The following RTL4 variants were observed in gnomAD, a reference collection of about 807,000 sequenced individuals.
The protein encoded by RTL4 is retrotransposon Gag like 4, also known as retrotransposon Gag-like protein 4.
Under a neutral mutation model 5.3 loss-of-function variants are expected in RTL4, and 4 were observed. The ratio of observed to expected loss-of-function variants is 0.75; its 90% CI spans 0.37 to 1.72. The LOEUF is 1.72. Among genes scored for constraint, RTL4 ranks in the 40% most tolerant of loss-of-function variants. The pLI is 0.04. For synonymous variants in RTL4, 98 were observed against 87.3 expected (o/e 1.12, Z -0.68); for missense variants, 260 against 227.1 (o/e 1.14, Z -0.93).
At chrX:112,443,606 C>T in the RTL4 span, among the ~76,000 whole-genome samples, 4 of 111,600 alleles carry the variant, frequency 3.6e-5, no homozygotes, top group Non-Finnish European at 7.5e-5. Flanking sequence ...TGTTATTGCA[C>T]GATTTTTTTA....
At chrX:112,089,407 C>T in the RTL4 span, among the ~76,000 whole-genome samples, 16 of 110,653 alleles carry the variant, frequency 1.4e-4, no homozygotes, top group Admixed American at 1.9e-4. Context: ...TAAACCACTT[C>T]GAGTTAATTT....
the RTL4 span, among the ~76,000 whole-genome samples, chrX:112,139,501 A>G: frequency 8.9e-6 from 1 of 112,279 alleles, no homozygotes; most frequent in Non-Finnish European, 1.9e-5. Flanking sequence ...ATTTCACTTT[A>G]AAGTTTTATC....
the RTL4 span, among the ~76,000 whole-genome samples, chrX:112,089,525 T>G: frequency 9.0e-6 from 1 of 111,426 alleles, no homozygotes; most frequent in Non-Finnish European, 1.9e-5. Context: ...CGAATGATAC[T>G]GGCACCTTGT....
At chrX:112,342,459 G>A in the RTL4 span, among the ~76,000 whole-genome samples, 4,583 of 111,043 alleles carry the variant, frequency 0.041, 247 homozygotes, top group African/African-American at 0.14. Flanking sequence ...CTTAATGTTG[G>A]AAGAGACCTC....
At chrX:112,370,670 ATT>A in the RTL4 span, among the ~76,000 whole-genome samples, 1 of 111,041 alleles carries the variant, frequency 9.0e-6, no homozygotes, top group East Asian at 2.9e-4. Context: ...TCTTCAGCTT[ATT>A]GTTCGCACGC....
the RTL4 span, among the ~76,000 whole-genome samples, chrX:112,252,306 A>G: frequency 8.9e-5 from 10 of 112,159 alleles, no homozygotes; most frequent in Non-Finnish European, 1.9e-4. Context: ...TCTCCTAACA[A>G]GTACTGCTGT....
chrX:112,334,744 C>G, the RTL4 span, among the ~76,000 whole-genome samples: 28 of 111,475 alleles, frequency 2.5e-4, no homozygotes, highest in Non-Finnish European at 4.3e-4. Flanking sequence ...TTTCTCATGT[C>G]TTATGTCTTT....
the RTL4 span, among the ~76,000 whole-genome samples, chrX:112,339,788 G>A: frequency 8.9e-6 from 1 of 112,779 alleles, no homozygotes; most frequent in Non-Finnish European, 1.9e-5. Context: ...AATGAGAAGA[G>A]ACAAGAGTAG....
At chrX:112,096,779 A>G in the RTL4 span, among the ~76,000 whole-genome samples, 1 of 112,088 alleles carries the variant, frequency 8.9e-6, no homozygotes, top group Non-Finnish European at 1.9e-5. Flanking sequence ...AGCCACACCC[A>G]AGTAGATACT....
the RTL4 span, among the ~76,000 whole-genome samples, chrX:112,390,105 TAATA>T: frequency 8.1e-4 from 33 of 40,536 alleles, no homozygotes; most frequent in East Asian, 7.0e-3. Flanking sequence ...CATTTATATA[TAATA>T]TATATATATA....
the RTL4 span, among the ~76,000 whole-genome samples, chrX:112,298,447 C>T: frequency 1.8e-5 from 2 of 112,288 alleles, no homozygotes; most frequent in African/African-American, 6.5e-5. Context: ...CTGGTTCTTC[C>T]TCTACAATGT....
chrX:112,195,266 A>C, the RTL4 span, among the ~76,000 whole-genome samples: 1 of 112,138 alleles, frequency 8.9e-6, no homozygotes, highest in East Asian at 2.8e-4. Context: ...CTTCAAGCAT[A>C]GAGACAGGAA....
the RTL4 span, among the ~76,000 whole-genome samples, chrX:112,166,921 T>G: frequency 8.9e-6 from 1 of 112,121 alleles, no homozygotes; most frequent in Non-Finnish European, 1.9e-5. Context: ...GATGACTTTC[T>G]AAGTCCATTC....
At chrX:112,115,019 C>T in the RTL4 span, among the ~76,000 whole-genome samples, 2 of 110,918 alleles carry the variant, frequency 1.8e-5, no homozygotes, top group East Asian at 5.7e-4. Context: ...GTTTTTGGGT[C>T]AAATTGGTCC....
the RTL4 span, among the ~76,000 whole-genome samples, chrX:112,226,328 C>G: frequency 3.9e-4 from 44 of 112,173 alleles, 1 homozygote; most frequent in Non-Finnish European, 1.9e-5. Context: ...CTACAACCTG[C>G]TTTATGAAGC....
chrX:112,220,255 T>G, the RTL4 span, among the ~76,000 whole-genome samples: 2 of 112,750 alleles, frequency 1.8e-5, no homozygotes, highest in African/African-American at 6.4e-5. Flanking sequence ...ATATATTTGT[T>G]CTTTTGGGCT....
At chrX:112,368,370 T>C in the RTL4 span, among the ~76,000 whole-genome samples, 8 of 112,204 alleles carry the variant, frequency 7.1e-5, no homozygotes, top group Admixed American at 6.6e-4. Context: ...CACAAAGTAC[T>C]AATAGATGAC....
chrX:112,225,114 G>A, the RTL4 span, among the ~76,000 whole-genome samples: 6 of 112,082 alleles, frequency 5.4e-5, no homozygotes, highest in East Asian at 1.7e-3. Flanking sequence ...ATACTAATAA[G>A]TGGTAGGACA....
At chrX:112,347,678 A>T in the RTL4 span, among the ~76,000 whole-genome samples, 1 of 111,507 alleles carries the variant, frequency 9.0e-6, no homozygotes, top group Non-Finnish European at 1.9e-5. Context: ...GGCAGAACTG[A>T]AAGTAAAATT....
Sources: gnomAD v4.1 joint callset for allele counts (sites outside exome capture counted in the v4.1 genomes callset) on GRCh38, gnomAD v4.1.1 for gene constraint, MANE v1.5 for transcripts, NCBI Gene and HGNC (gene_info 2026-07-23, HGNC 2026-07-21) for gene names.